ANO3: variants seen among roughly 807,000 people sequenced by gnomAD.
ANO3 encodes anoctamin-3.
A neutral mutation model predicts 144.8 loss-of-function variants in ANO3; 99 were observed. That is an observed-to-expected ratio of 0.68 (90% CI 0.58 to 0.81). The LOEUF is 0.81. Among genes scored for constraint, ANO3 ranks in the 30% least tolerant of loss-of-function variants. ANO3 has a pLI of 0.00. For missense variants in ANO3, 905 were observed against 1,202.2 expected (o/e 0.75, Z 3.66); for synonymous variants, 414 against 392.6 (o/e 1.05, Z -0.64).
At chr11:26,444,365 C>A (rs190781106) in intron 3 of ANO3, among the ~76,000 whole-genome samples, 206 of 152,260 alleles carry the variant, frequency 1.4e-3, no homozygotes, top group Middle Eastern at 3.4e-3. Flanking sequence ...TTTTCATTTT[C>A]ATGAATTAAA....
chr11:26,550,799 G>C lies in ANO3; in HGVS notation c.1290-2450G>C, dbSNP rs144765057. 3.3e-3 allele frequency among the ~76,000 whole-genome samples: 506 copies of C among 152,030 alleles called. 3 individuals are homozygous for C. The highest frequency in any genetic ancestry group is 0.012 in the African/African-American group (478 of 41,522). ...TGGATATGTATCCAGAAGTGGGATT[G>C]CTGAATCATATGGTAATTCTATTTT... On this transcript the variant is annotated intron_variant, in intron 12 of 26. Coordinates refer to ENST00000256737, the MANE Select transcript of ANO3 (RefSeq NM_031418.4).
chr11:26,244,369 G>A (rs566061981), intron 1 of ANO3, among the ~76,000 whole-genome samples: 5 of 152,208 alleles, frequency 3.3e-5, no homozygotes, highest in African/African-American at 1.2e-4. Flanking sequence ...AACTGGATGG[G>A]AATACTAGCT....
At chr11:26,521,897 A>G (rs1484703652) in intron 6 of ANO3, among the ~76,000 whole-genome samples, 2 of 152,202 alleles carry the variant, frequency 1.3e-5, no homozygotes, top group Non-Finnish European at 2.9e-5. Flanking sequence ...GTAAAACATT[A>G]AGAGCGGCCG....
At chr11:26,269,357 C>T (rs776063815) in intron 1 of ANO3, among the ~76,000 whole-genome samples, 21 of 152,186 alleles carry the variant, frequency 1.4e-4, no homozygotes, top group Non-Finnish European at 2.5e-4. Flanking sequence ...GGCACGTTTT[C>T]TTCACTCTTA....
intron 14 of ANO3, among the ~76,000 whole-genome samples, chr11:26,580,238 T>C (rs1034577755): frequency 6.6e-6 from 1 of 152,240 alleles, no homozygotes; most frequent in South Asian, 2.1e-4. Flanking sequence ...ATTATGTCTT[T>C]ATATGATGTT....
At chr11:26,284,821 C>G (rs953674084) in intron 1 of ANO3, among the ~76,000 whole-genome samples, 2 of 152,106 alleles carry the variant, frequency 1.3e-5, no homozygotes, top group African/African-American at 2.4e-5. Flanking sequence ...CAGAAGATGA[C>G]GTGAACCTGG....
chr11:26,501,552 C>A (rs1861194751), intron 4 of ANO3, among the ~76,000 whole-genome samples: 1 of 151,936 alleles, frequency 6.6e-6, no homozygotes, highest in African/African-American at 2.4e-5. Flanking sequence ...GGCAAAACAA[C>A]ATTTTAAGCA....
chr11:26,278,098 T>C (rs1295042232), intron 1 of ANO3, among the ~76,000 whole-genome samples: 1 of 152,114 alleles, frequency 6.6e-6, no homozygotes, highest in Non-Finnish European at 1.5e-5. Context: ...CCAGATTCTC[T>C]TTCTCTGCTT....
At chr11:26,479,670 A>G (rs779286797) in intron 4 of ANO3, among the ~76,000 whole-genome samples, 1 of 152,196 alleles carries the variant, frequency 6.6e-6, no homozygotes, top group African/African-American at 2.4e-5. Context: ...TTACAATTCA[A>G]GATGAGATTC....
intron 3 of ANO3, among the ~76,000 whole-genome samples, chr11:26,444,445 A>G (rs1858634327): frequency 1.3e-5 from 2 of 152,236 alleles, no homozygotes; most frequent in Admixed American, 6.5e-5. Context: ...TTGCAACCTC[A>G]GTGCCTTAAC....
chr11:26,204,991 A>G (rs2133915762), intron 1 of ANO3, among the ~76,000 whole-genome samples: 1 of 152,268 alleles, frequency 6.6e-6, no homozygotes, highest in South Asian at 2.1e-4. Context: ...GCCTCAGGAA[A>G]CTTACAATCA....
chr11:26,277,888 T>G (rs1853592571), intron 1 of ANO3, among the ~76,000 whole-genome samples: 1 of 152,086 alleles, frequency 6.6e-6, no homozygotes. Context: ...AAGATATCTT[T>G]ATGAATAAAA....
intron 1 of ANO3, among the ~76,000 whole-genome samples, chr11:26,344,368 C>CTTT (rs10683178): frequency 2.5e-4 from 35 of 137,968 alleles, no homozygotes; most frequent in African/African-American, 6.5e-4. Flanking sequence ...AAAATATTGT[C>CTTT]TTTTTTTTTT....
At chr11:26,293,220 A>G (rs1409761783) in intron 1 of ANO3, among the ~76,000 whole-genome samples, 1 of 152,146 alleles carries the variant, frequency 6.6e-6, no homozygotes, top group Non-Finnish European at 1.5e-5. Flanking sequence ...TTTCTGCCTC[A>G]TATCCTAAAA....
chr11:26,338,703 T>C (rs529976755), intron 1 of ANO3, among the ~76,000 whole-genome samples: 1 of 150,132 alleles, frequency 6.7e-6, no homozygotes, highest in Non-Finnish European at 1.5e-5. Flanking sequence ...ACCCCCCCAC[T>C]GGGAGAAACA....
At chr11:26,297,131 T>G (rs1222416826) in intron 1 of ANO3, among the ~76,000 whole-genome samples, 3 of 152,038 alleles carry the variant, frequency 2.0e-5, no homozygotes, top group Non-Finnish European at 2.9e-5. Context: ...TAGTAATCAC[T>G]GATTGTGTTC....
intron 1 of ANO3, among the ~76,000 whole-genome samples, chr11:26,295,853 T>G (rs1420567661): frequency 6.6e-6 from 1 of 152,156 alleles, no homozygotes; most frequent in Admixed American, 6.5e-5. Flanking sequence ...CCACCTATGT[T>G]GTCACCCTTT....
At chr11:26,556,613 G>T (rs546600643) in intron 13 of ANO3, among the ~76,000 whole-genome samples, 2 of 152,258 alleles carry the variant, frequency 1.3e-5, no homozygotes, top group African/African-American at 4.8e-5. Context: ...AGTTCCTCAG[G>T]TGACTCTAAT....
chr11:26,660,159 A>G lies in ANO3; in HGVS notation c.2764-103A>G, dbSNP rs921755426. 6 of 1,002,932 alleles carry G rather than the reference A, an allele frequency of 6.0e-6. No homozygotes were observed. In the African/African-American group the frequency reaches 9.8e-5, roughly 16 times the overall value. The allele number at this position is 1,002,932 out of a possible 1,614,324, so 62.1% of individuals were successfully genotyped here. ...TCTAAATGGTACATACTAAGTTCTG[A>G]TGCTTGATTCAAGGCAAATGCAACA... On this transcript the variant is annotated intron_variant, in intron 26 of 26. Transcript: ENST00000256737.
Sources: gnomAD v4.1 joint callset for allele counts (sites outside exome capture counted in the v4.1 genomes callset) on GRCh38, gnomAD v4.1.1 for gene constraint, MANE v1.5 for transcripts, NCBI Gene and HGNC (gene_info 2026-07-23, HGNC 2026-07-21) for gene names.